XKR4: variants seen among roughly 807,000 people sequenced by gnomAD.
XKR4 encodes the protein XK-related protein 4.
Under a neutral mutation model 53.9 loss-of-function variants are expected in XKR4, and 12 were observed. The observed-to-expected ratio is 0.22, with a 90% CI of 0.14 to 0.36. XKR4 has a LOEUF of 0.36. Among genes scored for constraint, XKR4 ranks in the 10% least tolerant of loss-of-function variants. The pLI, the probability that XKR4 is intolerant of heterozygous loss-of-function variation, is 1.00. For missense variants in XKR4, 799 were observed against 859.5 expected, an observed-to-expected ratio of 0.93 and a Z score of 0.88; for synonymous variants, 354 against 362.4, an observed-to-expected ratio of 0.98 and a Z score of 0.26.
At chr8:55,402,441 A>G (rs1563341595) in intron 2 of XKR4, among the ~76,000 whole-genome samples, 1 of 152,216 alleles carries the variant, frequency 6.6e-6, no homozygotes, top group African/African-American at 2.4e-5. Context: ...TCACTGGCCA[A>G]TGTGGGACCA....
At chr8:55,500,311 A>C (rs533016489) in intron 2 of XKR4, among the ~76,000 whole-genome samples, 3 of 152,202 alleles carry the variant, frequency 2.0e-5, no homozygotes, top group Non-Finnish European at 4.4e-5. Context: ...CAAGTGTAAG[A>C]TATCTTCACC....
intron 2 of XKR4, among the ~76,000 whole-genome samples, chr8:55,382,768 GT>G (rs200178560): frequency 3.3e-5 from 5 of 151,310 alleles, no homozygotes; most frequent in Admixed American, 1.3e-4. Flanking sequence ...TTAGCATCTG[GT>G]TTTTTTTTAA....
chr8:55,425,408 C>G (rs566949848), intron 2 of XKR4, among the ~76,000 whole-genome samples: 2 of 148,616 alleles, frequency 1.3e-5, no homozygotes, highest in African/African-American at 5.3e-5. Flanking sequence ...AACGCACTCT[C>G]GTCTAGCCTC....
chr8:55,396,383 G>GTTTT (rs5891571), intron 2 of XKR4, among the ~76,000 whole-genome samples: 1 of 122,592 alleles, frequency 8.2e-6, no homozygotes, highest in Non-Finnish European at 1.6e-5. Flanking sequence ...GTTTTTTTGT[G>GTTTT]TTTTTTTTTT....
At chr8:55,456,339 G>A (rs1304976219) in intron 2 of XKR4, among the ~76,000 whole-genome samples, 4 of 152,154 alleles carry the variant, frequency 2.6e-5, no homozygotes, top group Admixed American at 2.6e-4. Flanking sequence ...GCTGAGGCAG[G>A]AGAATCACTT....
intron 2 of XKR4, chr8:55,450,304 G>A (rs1805417883): frequency 5.6e-6 from 4 of 714,712 alleles, no homozygotes; most frequent in Non-Finnish European, 9.4e-6. Context: ...AGGGCCCTCG[G>A]CCAGCATCTC....
At chr8:55,140,125 GA>G in intron 1 of XKR4, 1 of 425,216 alleles carries the variant, frequency 2.4e-6, no homozygotes, top group Non-Finnish European at 4.7e-6. Flanking sequence ...TCTTTTAGAT[GA>G]AAATTCTCCC....
intron 2 of XKR4, among the ~76,000 whole-genome samples, chr8:55,460,664 A>G (rs977647689): frequency 6.6e-6 from 1 of 152,164 alleles, no homozygotes; most frequent in Non-Finnish European, 1.5e-5. Flanking sequence ...ACCAAGCATG[A>G]GCCGAAGCAG....
intron 1 of XKR4, among the ~76,000 whole-genome samples, chr8:55,333,819 A>C (rs1803413984): frequency 6.6e-6 from 1 of 152,180 alleles, no homozygotes; most frequent in Non-Finnish European, 1.5e-5. Context: ...GGACTGGAGC[A>C]CTGCTTTCCC....
intron 2 of XKR4, among the ~76,000 whole-genome samples, chr8:55,503,252 T>C (rs1806472568): frequency 6.6e-6 from 1 of 152,216 alleles, no homozygotes; most frequent in Non-Finnish European, 1.5e-5. Flanking sequence ...GGTATTTCTC[T>C]GAGTCTGTAG....
rs546721635 is a variant in XKR4, at chr8:55,477,739, C to T, written c.1007-45542C>T. Among the ~76,000 whole-genome samples, 39 of 152,114 alleles carry T rather than the reference C, an allele frequency of 2.6e-4. No homozygotes were observed. In the East Asian group the frequency reaches 7.0e-3, roughly 27 times the overall value. Reference sequence around the variant, plus strand: ...GCTGATGGAGCTGAAAGCCAAGGCTCGAGAACTACGTGAAGAATGCAAAAG... The same window carrying T: ...GCTGATGGAGCTGAAAGCCAAGGCTTGAGAACTACGTGAAGAATGCAAAAG... On this transcript the variant is annotated intron_variant, in intron 2 of 2. Transcript: ENST00000327381.
At chr8:55,497,306 T>C (rs1441865808) in intron 2 of XKR4, among the ~76,000 whole-genome samples, 2 of 152,376 alleles carry the variant, frequency 1.3e-5, no homozygotes, top group East Asian at 3.9e-4. Flanking sequence ...ATAAGGACTC[T>C]ACAAAATTTG....
chr8:55,341,861 C>T (rs192518992), intron 1 of XKR4, among the ~76,000 whole-genome samples: 40 of 152,060 alleles, frequency 2.6e-4, no homozygotes, highest in Non-Finnish European at 4.7e-4. Flanking sequence ...AAAACCCTCT[C>T]GGTGGGCACT....
Position 55,524,374 on chromosome 8 carries a change from G to T in XKR4, c.*147G>T, listed in dbSNP as rs1806851038. 7.6e-6 allele frequency: 6 copies of T among 789,110 alleles called. No individual in the cohort carries two copies. The highest frequency in any genetic ancestry group is 1.2e-5 in the Non-Finnish European group (6 of 510,378). The allele number at this position is 789,110 out of a possible 1,614,324, so 48.9% of individuals were successfully genotyped here. ...TCACCATTATCATTTGATCCTGTCG[G>T]CTGGGGGCGGCTGGTCTCCTTCCAA... On this transcript the variant is annotated 3_prime_UTR_variant, in exon 3 of 3. Transcript: ENST00000327381.
chr8:55,359,282 C>G (rs1803865556), intron 2 of XKR4, among the ~76,000 whole-genome samples: 2 of 152,176 alleles, frequency 1.3e-5, no homozygotes, highest in Admixed American at 6.5e-5. Flanking sequence ...GGCTGTCTCA[C>G]TACCTCACTA....
intron 2 of XKR4, among the ~76,000 whole-genome samples, chr8:55,388,572 G>A (rs898453516): frequency 6.6e-6 from 1 of 152,186 alleles, no homozygotes; most frequent in Non-Finnish European, 1.5e-5. Flanking sequence ...GTGGCAGAGA[G>A]CAGAAAGAGG....
At chr8:55,411,671 G>A (rs1487244189) in intron 2 of XKR4, among the ~76,000 whole-genome samples, 1 of 152,216 alleles carries the variant, frequency 6.6e-6, no homozygotes, top group African/African-American at 2.4e-5. Flanking sequence ...AAGGAGGCCA[G>A]CATTCTCCTC....
intron 2 of XKR4, among the ~76,000 whole-genome samples, chr8:55,369,692 A>G (rs530722809): frequency 6.6e-6 from 1 of 152,120 alleles, no homozygotes; most frequent in Non-Finnish European, 1.5e-5. Flanking sequence ...TTAAAATAGA[A>G]TCAATATTGG....
At chr8:55,289,558 A>AG (rs1232917047) in intron 1 of XKR4, among the ~76,000 whole-genome samples, 5 of 127,040 alleles carry the variant, frequency 3.9e-5, no homozygotes, top group Admixed American at 3.4e-4. Flanking sequence ...GGAAGGAAGG[A>AG]AGGAAGGAAG....
Sources: gnomAD v4.1 joint callset for allele counts (sites outside exome capture counted in the v4.1 genomes callset) on GRCh38, gnomAD v4.1.1 for gene constraint, MANE v1.5 for transcripts, NCBI Gene and HGNC (gene_info 2026-07-23, HGNC 2026-07-21) for gene names.